The following RTN1 variants were observed in gnomAD, a reference collection of about 807,000 sequenced individuals.
RTN1 encodes the protein reticulon 1.
In RTN1, 25 loss-of-function variants were observed where a neutral mutation model predicts 65.5. The observed-to-expected ratio is 0.38, with a 90% CI of 0.28 to 0.53. The LOEUF (loss-of-function observed/expected upper bound fraction) is 0.53, where lower values mean the gene tolerates loss of function less well. Ranked by LOEUF, RTN1 falls within the 20% of genes least tolerant of loss-of-function variation. The pLI is 0.79. For missense variants in RTN1, 983 were observed against 1,025.4 expected (o/e 0.96, Z 0.57); for synonymous variants, 471 against 447.6 (o/e 1.05, Z -0.66).
chr14:59,669,008 G>C (rs910824269), intron 3 of RTN1, among the ~76,000 whole-genome samples: 1 of 152,114 alleles, frequency 6.6e-6, no homozygotes, highest in Non-Finnish European at 1.5e-5. Context: ...CTCTTGGTGG[G>C]AGTGTAAATT....
chr14:59,742,433 A>C (rs1467286501), intron 2 of RTN1, among the ~76,000 whole-genome samples: 6 of 152,178 alleles, frequency 3.9e-5, no homozygotes, highest in Non-Finnish European at 8.8e-5. Flanking sequence ...ATCTTGGCTT[A>C]AAAGAGACTT....
At chr14:59,704,784 C>T (rs1205659265) in intron 3 of RTN1, among the ~76,000 whole-genome samples, 1 of 152,044 alleles carries the variant, frequency 6.6e-6, no homozygotes, top group Non-Finnish European at 1.5e-5. Context: ...GCAGCTGATT[C>T]CCGGACACTG....
chr14:59,746,626 G>C, intron 1 of RTN1, 145 bp from the exon 2 acceptor site: 3 of 635,566 alleles, frequency 4.7e-6, no homozygotes, highest in Non-Finnish European at 7.9e-6. Flanking sequence ...CTCCCTCAGA[G>C]CACCAGCATG....
At chr14:59,805,356 T>A (rs1333719470) in intron 1 of RTN1, among the ~76,000 whole-genome samples, 1 of 152,178 alleles carries the variant, frequency 6.6e-6, no homozygotes, top group African/African-American at 2.4e-5. Flanking sequence ...TCTGAAACAG[T>A]TTCTGACACA....
At chr14:59,682,301 T>C (rs1007664830) in intron 3 of RTN1, among the ~76,000 whole-genome samples, 2 of 152,224 alleles carry the variant, frequency 1.3e-5, no homozygotes, top group Non-Finnish European at 2.9e-5. Flanking sequence ...GGCATTACTA[T>C]TTCTGGTACA....
At chr14:59,656,660 G>C (rs199837224) in intron 3 of RTN1, among the ~76,000 whole-genome samples, 1 of 152,126 alleles carries the variant, frequency 6.6e-6, no homozygotes, top group South Asian at 2.1e-4. Flanking sequence ...TCCTTAGCTC[G>C]GGCCATGATT....
intron 1 of RTN1, among the ~76,000 whole-genome samples, chr14:59,830,322 A>C (rs1887103277): frequency 6.6e-6 from 1 of 152,270 alleles, no homozygotes; most frequent in Admixed American, 6.5e-5. Context: ...CTGTAAGATT[A>C]TCGAACAGCA....
Position 59,727,151 on chromosome 14 carries a change from T to G in RTN1, c.1533A>C (p.Pro511=). ...CCGGCTCGGCCAGGCCCCGCCGGCTTGGCGCACGCTCCTCGGCCCGGACGC... is the reference window on the plus strand; with the variant it reads ...CCGGCTCGGCCAGGCCCCGCCGGCTGGGCGCACGCTCCTCGGCCCGGACGC... ...ETGVRAEERA[P]SRRGLAEPGS... Residue 511 remains proline (P), a synonymous_variant, in exon 3 of 9, where the codon CCA becomes CCC. Coordinates refer to ENST00000267484, the MANE Select transcript of RTN1 (RefSeq NM_021136.3). This position sits in a 1 kb window ranked among gnomAD's most constrained non-coding sequence, Gnocchi z 4.2. 1 of 1,599,546 alleles carries G rather than the reference T, an allele frequency of 6.3e-7. No homozygotes were observed. The highest frequency in any genetic ancestry group is 1.1e-5 in the South Asian group (1 of 89,178).
chr14:59,805,018 C>T (rs1349874214), intron 1 of RTN1, among the ~76,000 whole-genome samples: 1 of 152,198 alleles, frequency 6.6e-6, no homozygotes, highest in Non-Finnish European at 1.5e-5. Context: ...GAATTATTCA[C>T]ATGGGGTGAT....
rs1885216516 is a variant in RTN1, at chr14:59,746,089, G to A, written c.634C>T (p.His212Tyr). The change falls in exon 2 of 9, where the codon CAC becomes TAC. Residue 212 changes from histidine (H) to tyrosine (Y), a missense_variant. Around this residue, in one of 2 missense-constraint regions of RTN1, gnomAD observed 818 missense variants for 801.8 expected, o/e 1.02. Transcript: ENST00000267484. ...AAGTCTTTATCTTCCAGCTCGGGGTGATGTTGTTCTTGGTGCTTCACCTCC... is the reference window on the plus strand; with the variant it reads ...AAGTCTTTATCTTCCAGCTCGGGGTAATGTTGTTCTTGGTGCTTCACCTCC... Reference protein sequence around the residue: ...PEEVKHQEQHHPELEDKDLDF... With the variant: ...PEEVKHQEQHYPELEDKDLDF... 3 of 1,613,952 alleles carry A rather than the reference G, an allele frequency of 1.9e-6. No individual in the cohort carries two copies. The highest frequency in any genetic ancestry group is 2.5e-6 in the Non-Finnish European group (3 of 1,179,982).
chr14:59,630,729 C>T (rs1882530572), intron 3 of RTN1: 1 of 1,113,098 alleles, frequency 9.0e-7, no homozygotes, highest in Admixed American at 5.1e-5. Context: ...GCCGCCTGCG[C>T]GCATGGGGAT....
intron 3 of RTN1, among the ~76,000 whole-genome samples, chr14:59,672,573 T>A (rs1034836950): frequency 1.3e-5 from 2 of 151,830 alleles, no homozygotes; most frequent in African/African-American, 4.8e-5. Context: ...ATTTATTGCA[T>A]TCATTATTTG....
At chr14:59,750,438 TATA>T (rs1421168553) in intron 1 of RTN1, among the ~76,000 whole-genome samples, 57 of 57,266 alleles carry the variant, frequency 1.0e-3, no homozygotes, top group Admixed American at 2.2e-3. Flanking sequence ...ATCTATAATA[TATA>T]ATATATCTAT....
In RTN1 at chr14:59,803,973, T is replaced by G. The variant is rs148873994; in HGVS notation, c.242-57492A>C. ...CATTCCCACATGCTGTACGTCAGTT[T>G]CCTCTCTTGTTAACATCTTACATGG... On this transcript the variant is annotated intron_variant, in intron 1 of 8. Coordinates refer to ENST00000267484, the MANE Select transcript of RTN1 (RefSeq NM_021136.3). This position sits in a 1 kb window ranked among gnomAD's most constrained non-coding sequence, Gnocchi z 5.6. Among the ~76,000 whole-genome samples, 1,012 of 152,346 alleles carry G rather than the reference T, an allele frequency of 6.6e-3. 8 individuals are homozygous for G. Among genetic ancestry groups the G allele is most frequent in the Non-Finnish European group, 0.01 (686 of 68,028 alleles).
chr14:59,792,259 G>A lies in RTN1; in HGVS notation c.242-45778C>T, dbSNP rs1886362131. 1.3e-5 allele frequency among the ~76,000 whole-genome samples: 2 copies of A among 151,916 alleles called. 1 individual carries two copies. The highest frequency in any genetic ancestry group is 4.2e-4 in the South Asian group (2 of 4,814). On this transcript the variant is annotated intron_variant, in intron 1 of 8. Transcript: ENST00000267484. Reference sequence around the variant, plus strand: ...TTCTTCTCCTGGAAGTGGTTTTAAGGTAAGGACTGTACTCCCAGAAGCAGC... The same window carrying A: ...TTCTTCTCCTGGAAGTGGTTTTAAGATAAGGACTGTACTCCCAGAAGCAGC...
At chr14:59,749,248 CTATATATCTATATATATCTATA>C (rs1885319648) in intron 1 of RTN1, among the ~76,000 whole-genome samples, 13 of 32,064 alleles carry the variant, frequency 4.1e-4, no homozygotes, top group Non-Finnish European at 6.5e-4. Flanking sequence ...CTATATATAT[CTATATATCTATATATATCTATA>C]TATATATCTA....
chr14:59,703,796 C>T (rs1884231680), intron 3 of RTN1, among the ~76,000 whole-genome samples: 1 of 152,170 alleles, frequency 6.6e-6, no homozygotes. Context: ...ATCTATCTAT[C>T]TATATGGAAT....
chr14:59,712,208 G>T (rs1884437969), intron 3 of RTN1, among the ~76,000 whole-genome samples: 1 of 152,126 alleles, frequency 6.6e-6, no homozygotes, highest in Admixed American at 6.5e-5. Flanking sequence ...ATTGTGGAGG[G>T]AGCCCCAAAA....
chr14:59,750,376 A>AATC lies in RTN1; in HGVS notation c.242-3896_242-3895insGAT, dbSNP rs1489139776. ...TATTATATCTATATATTATATCTATATATTATATATTATATCTATAATATA... is the reference window on the plus strand; with the variant it reads ...TATTATATCTATATATTATATCTATAATCTATTATATATTATATCTATAATATA... On this transcript the variant is annotated intron_variant, in intron 1 of 8. Coordinates refer to ENST00000267484, the MANE Select transcript of RTN1 (RefSeq NM_021136.3). Among the ~76,000 whole-genome samples, 3 of 51,752 alleles carry AATC rather than the reference A, an allele frequency of 5.8e-5. 1 individual carries two copies. Among genetic ancestry groups the AATC allele is most frequent in the South Asian group, 1.3e-3 (2 of 1,596 alleles). 34.0% of individuals were successfully genotyped at this position (51,752 alleles called of 152,430 possible).
Sources: gnomAD v4.1 joint callset for allele counts (sites outside exome capture counted in the v4.1 genomes callset) on GRCh38, gnomAD v4.1.1 for gene constraint, gnomAD v4.1.1 regional missense constraint, Gnocchi (gnomAD v3.1) non-coding constraint, MANE v1.5 for transcripts, NCBI Gene and HGNC (gene_info 2026-07-23, HGNC 2026-07-21) for gene names.